Variants in NPHP3 observed in about 807,000 individuals in gnomAD.
NPHP3 encodes the protein nephrocystin-3.
In NPHP3, 123 loss-of-function variants were observed where a neutral mutation model predicts 171.9. The ratio of observed to expected loss-of-function variants is 0.72; its 90% CI spans 0.62 to 0.83. The LOEUF is 0.83. Among genes scored for constraint, NPHP3 ranks in the 40% least tolerant of loss-of-function variants. The pLI is 0.00. For missense variants in NPHP3, 1,506 were observed against 1,591.9 expected (o/e 0.95, Z 0.92); for synonymous variants, 558 against 579.2 (o/e 0.96, Z 0.52).
At chr3:132,708,290 C>A in intron 6 of NPHP3, 33 bp from the exon 7 acceptor site, 1 of 1,605,544 alleles carries the variant, frequency 6.2e-7, no homozygotes, top group Non-Finnish European at 8.5e-7. Context: ...GTGTGCTATA[C>A]TGCATTGTGG....
intron 6 of NPHP3, 44 bp from the exon 7 acceptor site, chr3:132,708,301 C>G (rs375521768): frequency 1.4e-5 from 23 of 1,590,966 alleles, no homozygotes; most frequent in Non-Finnish European, 1.9e-5. Flanking sequence ...TGCATTGTGG[C>G]AGCAAGCAGT....
Position 132,681,953 on chromosome 3 carries a change from G to T in NPHP3, c.3950C>A (p.Thr1317Lys). 6.2e-7 allele frequency: 1 copy of T among 1,614,116 alleles called. No homozygotes were observed. The highest frequency in any genetic ancestry group is 8.5e-7 in the Non-Finnish European group (1 of 1,179,982). ...SSSGDTFSLK[T>K]AHSPNVFLQQ... Reference sequence around the variant, plus strand: ...AAGGAAAACATTAGGAGAATGAGCTGTTTTTAAGCTAAACGTGTCTCCACT... The same window carrying T: ...AAGGAAAACATTAGGAGAATGAGCTTTTTTTAAGCTAAACGTGTCTCCACT... The change falls in exon 27 of 27, where the codon ACA (threonine) becomes AAA (lysine). Residue 1317 changes from threonine to lysine, a missense_variant. Thr to Lys is a moderately conservative substitution (Grantham distance 78). This residue lies in a region of NPHP3 where 569 missense variants were observed against 648.1 expected (regional missense o/e 0.88). Transcript: ENST00000337331.
rs1939326625 is a variant in NPHP3 at position 132,692,519 on chromosome 3, G to T, written c.2475+135C>A. 7 of 744,102 alleles carry T rather than the reference G, an allele frequency of 9.4e-6. No individual in the cohort carries two copies. In the South Asian group the frequency reaches 1.2e-4, roughly 13 times the overall value. 46.1% of individuals were successfully genotyped at this position (744,102 alleles called of 1,614,324 possible). ...GTACTACAGTATTGTTAACTATAGG[G>T]ACAATGTTGTATAGCAGATCTTTAG... On this transcript the variant is annotated intron_variant, in intron 17 of 26. Transcript: ENST00000337331.
intron 8 of NPHP3, among the ~76,000 whole-genome samples, chr3:132,704,929 A>G (rs767683644): frequency 2.6e-5 from 4 of 152,242 alleles, no homozygotes; most frequent in African/African-American, 4.8e-5. Context: ...AATTTGATAA[A>G]GACAATCTTT....
At chr3:132,721,203 C>A (rs1009746156) in intron 1 of NPHP3, among the ~76,000 whole-genome samples, 1 of 152,196 alleles carries the variant, frequency 6.6e-6, no homozygotes, top group Admixed American at 6.5e-5. Flanking sequence ...CAGGCGTGAG[C>A]CACCACGCCC....
At chr3:132,708,029 C>T in intron 7 of NPHP3, 72 bp downstream of exon 7, 2 of 1,454,352 alleles carry the variant, frequency 1.4e-6, no homozygotes, top group South Asian at 1.2e-5. Context: ...CAGGCTTATG[C>T]CCACCTCATG....
intron 10 of NPHP3, among the ~76,000 whole-genome samples, chr3:132,701,137 T>C (rs1401905201): frequency 1.3e-5 from 2 of 152,226 alleles, no homozygotes; most frequent in Admixed American, 6.5e-5. Flanking sequence ...ACATGTGTTA[T>C]ATGACATATC....
intron 21 of NPHP3, among the ~76,000 whole-genome samples, chr3:132,687,666 T>C (rs1211219028): frequency 6.6e-5 from 10 of 152,230 alleles, no homozygotes; most frequent in Admixed American, 6.5e-4. Flanking sequence ...TGGTCAAGTT[T>C]AAATGTGAAA....
intron 17 of NPHP3, among the ~76,000 whole-genome samples, chr3:132,692,354 CTTT>C (rs1268485975): frequency 6.6e-6 from 1 of 152,136 alleles, no homozygotes; most frequent in Admixed American, 6.5e-5. Flanking sequence ...TTGAAAAAGA[CTTT>C]TTTTCTCTTC....
chr3:132,690,913 G>A (rs1039271171), intron 18 of NPHP3, among the ~76,000 whole-genome samples: 8 of 151,950 alleles, frequency 5.3e-5, no homozygotes, highest in South Asian at 2.1e-4. Context: ...CAATGGACCC[G>A]TATATACACA....
chr3:132,706,941 T>C (rs1382356663), intron 7 of NPHP3, among the ~76,000 whole-genome samples: 3 of 152,204 alleles, frequency 2.0e-5, no homozygotes, highest in African/African-American at 7.2e-5. Flanking sequence ...TAGTTTTATG[T>C]GTCATGCTGC....
In NPHP3 at chr3:132,722,202, C is replaced by G. The variant is rs145643112; in HGVS notation, c.154G>C (p.Ala52Pro). ...RNSFRRGAGAAAGAGPGSLPR... is the reference protein window; with the variant it reads ...RNSFRRGAGAPAGAGPGSLPR... ...AGCGACCCGGGCCCGGCCCCTGCTG[C>G]CGCCCCCGCGCCTCGGCGGAACGAG... The change falls in exon 1 of 27, where the codon GCA (alanine) becomes CCA (proline). Residue 52 changes from alanine to proline, a missense_variant. Around this residue, in one of 3 missense-constraint regions of NPHP3, gnomAD observed 930 missense variants for 924.9 expected, o/e 1.01. Transcript: ENST00000337331. The G allele has an allele frequency of 6.6e-7, 1 of 1,510,002 alleles. No individual in the cohort carries two copies. Among genetic ancestry groups the G allele is most frequent in the Non-Finnish European group, 8.8e-7 (1 of 1,138,144 alleles). The allele number at this position is 1,510,002 out of a possible 1,614,324, so 93.5% of individuals were successfully genotyped here.
Position 132,687,215 on chromosome 3 carries a change from G to T in NPHP3, c.3137C>A (p.Ala1046Asp), listed in dbSNP as rs756790389. 2.2e-6 allele frequency: 3 copies of T among 1,377,310 alleles called. No individual in the cohort carries two copies. Among genetic ancestry groups the T allele is most frequent in the African/African-American group, 1.4e-5 (1 of 70,290 alleles). The allele number at this position is 1,377,310 out of a possible 1,614,324, so 85.3% of individuals were successfully genotyped here. A position where few individuals can be genotyped will look rare whatever the true frequency, so the allele number is the denominator to read the frequency against. Reference protein sequence around the residue: ...LYQKQNKYEQAEHFRKKSFKI... With the variant: ...LYQKQNKYEQDEHFRKKSFKI... ...AAAGGATTTTTTCCTAAAATGTTCA[G>T]CTTGTTCATATCTTAAAAAAAAATT... Residue 1046 changes from alanine (A) to aspartate (D), a missense_variant, in exon 22 of 27, where the codon GCT becomes GAT. Physicochemically the swap from Ala to Asp is moderately radical, Grantham distance 126 (BLOSUM62 -2). Coordinates refer to ENST00000337331, the MANE Select transcript of NPHP3 (RefSeq NM_153240.5).
chr3:132,717,024 T>C, intron 3 of NPHP3, 115 bp from the exon 4 acceptor site: 1 of 1,151,828 alleles, frequency 8.7e-7, no homozygotes, highest in Non-Finnish European at 1.2e-6. Flanking sequence ...ATTACAAATA[T>C]TCAAATGATT....
chr3:132,705,597 T>C, intron 8 of NPHP3, 143 bp downstream of exon 8: 2 of 589,724 alleles, frequency 3.4e-6, no homozygotes, highest in Non-Finnish European at 6.2e-6. Flanking sequence ...TACCACAGGA[T>C]GGACTCCCAA....
Position 132,686,048 on chromosome 3 carries a change from C to CAA in NPHP3, c.3329+210_3329+211dup, listed in dbSNP as rs374302036. 1,386 of 369,944 alleles carry CAA rather than the reference C, an allele frequency of 3.7e-3. 1 individual carries two copies. Among genetic ancestry groups the CAA allele is most frequent in the Middle Eastern group, 8.8e-3 (11 of 1,254 alleles). 22.9% of individuals were successfully genotyped at this position (369,944 alleles called of 1,614,324 possible). The stretch of plus-strand genomic sequence containing the variant: ...TGGGCAACAGAGCGAGACTCCGTCT[C>CAA]AAAAAAAAAAAAAAGAGTGTGAAAA... On this transcript the variant is annotated intron_variant, in intron 23 of 26. Transcript: ENST00000337331.
In NPHP3 at chr3:132,683,494, C is replaced by T. The variant is rs529119466; in HGVS notation, c.3601G>A (p.Glu1201Lys). The T allele has an allele frequency of 3.7e-6, 6 of 1,613,008 alleles. No individual in the cohort carries two copies. The African/African-American group carries it at 8.0e-5, about 22-fold the overall frequency. The change falls in exon 25 of 27, where the codon GAA (glutamate) becomes AAA (lysine). Residue 1201 changes from glutamate to lysine, a missense_variant. Physicochemically the swap from Glu to Lys is moderately conservative, Grantham distance 56. Around this residue, in one of 3 missense-constraint regions of NPHP3, gnomAD observed 569 missense variants for 648.1 expected, o/e 0.88. Transcript: ENST00000337331. ...GKLDKAVPLY[E>K]LAVEIRQKSF... ...TTCTGTCGAATTTCAACAGCCAATT[C>T]ATACAAAGGTACAGCTTTGTCAAGT...
At chr3:132,684,513 G>T in intron 24 of NPHP3, 41 bp downstream of exon 24, 1 of 1,607,686 alleles carries the variant, frequency 6.2e-7, no homozygotes, top group South Asian at 1.1e-5. Context: ...TGGCTTAACT[G>T]ATATGTTATA....
intron 12 of NPHP3, 72 bp from the exon 13 acceptor site, chr3:132,699,522 A>G (rs1560007872): frequency 3.2e-6 from 3 of 936,320 alleles, no homozygotes; most frequent in Non-Finnish European, 5.0e-6. Context: ...TAGCTCCCCA[A>G]ATAAAATGAA....
Sources: allele counts gnomAD v4.1 joint callset (sites outside exome capture counted in the v4.1 genomes callset), GRCh38; gene constraint gnomAD v4.1.1; regional missense constraint gnomAD v4.1.1; transcripts MANE v1.5; gene names NCBI Gene and HGNC (gene_info 2026-07-23, HGNC 2026-07-21).